PGCKA1: variants seen among roughly 807,000 people sequenced by gnomAD.
The protein encoded by PGCKA1 is PDCD10 and GCKIII kinases associated 1.
the PGCKA1 span, among the ~76,000 whole-genome samples, chr4:37,574,956 T>C: frequency 1.3e-5 from 2 of 149,706 alleles, no homozygotes; most frequent in African/African-American, 4.9e-5. Flanking sequence ...TTCTTTTTCA[T>C]GGCTGAATAG....
At chr4:37,505,944 T>C in the PGCKA1 span, among the ~76,000 whole-genome samples, 1 of 152,250 alleles carries the variant, frequency 6.6e-6, no homozygotes, top group South Asian at 2.1e-4. Context: ...ATACTTTTTA[T>C]TACAACTTTG....
the PGCKA1 span, among the ~76,000 whole-genome samples, chr4:37,538,526 T>C: frequency 1.3e-5 from 2 of 152,160 alleles, no homozygotes; most frequent in Non-Finnish European, 2.9e-5. Context: ...AGAGAGAACA[T>C]GATGAACTTA....
the PGCKA1 span, among the ~76,000 whole-genome samples, chr4:37,510,420 G>A: frequency 2.0e-5 from 3 of 152,068 alleles, no homozygotes; most frequent in African/African-American, 7.2e-5. Flanking sequence ...GCATTAAGGG[G>A]CACTGCAAGC....
At chr4:37,569,579 T>C in the PGCKA1 span, among the ~76,000 whole-genome samples, 3,269 of 152,304 alleles carry the variant, frequency 0.021, 110 homozygotes, top group African/African-American at 0.071. Context: ...TTAATTAGTT[T>C]GAGGAGTAAA....
chr4:37,564,759 G>A, the PGCKA1 span, among the ~76,000 whole-genome samples: 4 of 151,916 alleles, frequency 2.6e-5, no homozygotes, highest in African/African-American at 7.3e-5. Flanking sequence ...CACCTGCCTC[G>A]GCCTCCCAAA....
At chr4:37,573,504 A>G in the PGCKA1 span, among the ~76,000 whole-genome samples, 1 of 152,120 alleles carries the variant, frequency 6.6e-6, no homozygotes, top group Non-Finnish European at 1.5e-5. Context: ...ACCACTGTTA[A>G]CCCTTCTCTC....
chr4:37,504,264 C>A, the PGCKA1 span, among the ~76,000 whole-genome samples: 9 of 152,100 alleles, frequency 5.9e-5, no homozygotes, highest in Non-Finnish European at 1.3e-4. Context: ...TTTCTGGGTT[C>A]TCTATTCTGA....
At chr4:37,562,944 A>AG in the PGCKA1 span, among the ~76,000 whole-genome samples, 4 of 152,162 alleles carry the variant, frequency 2.6e-5, no homozygotes, top group African/African-American at 9.7e-5. Context: ...TACCCCTAGT[A>AG]GGGGGGTGTT....
At chr4:37,546,008 T>C in the PGCKA1 span, among the ~76,000 whole-genome samples, 3 of 152,140 alleles carry the variant, frequency 2.0e-5, no homozygotes, top group African/African-American at 7.2e-5. Context: ...GAACTTCCAT[T>C]GTAGTGGCTG....
At chr4:37,583,572 G>A in the PGCKA1 span, among the ~76,000 whole-genome samples, 75 of 152,156 alleles carry the variant, frequency 4.9e-4, no homozygotes, top group African/African-American at 1.2e-3. Context: ...GAGTAGCTGG[G>A]ACTACAGGCG....
the PGCKA1 span, among the ~76,000 whole-genome samples, chr4:37,521,796 A>C: frequency 1.3e-5 from 2 of 152,228 alleles, no homozygotes; most frequent in Admixed American, 1.3e-4. Context: ...TGAAGTCTCC[A>C]GCTATTATTG....
At chr4:37,523,316 C>T in the PGCKA1 span, among the ~76,000 whole-genome samples, 1 of 152,114 alleles carries the variant, frequency 6.6e-6, no homozygotes, top group African/African-American at 2.4e-5. Context: ...CCCAGATGCC[C>T]AGAGATGCTC....
the PGCKA1 span, among the ~76,000 whole-genome samples, chr4:37,473,781 A>G: frequency 9.2e-5 from 14 of 152,014 alleles, no homozygotes; most frequent in South Asian, 4.2e-4. Flanking sequence ...GTCAGAATAT[A>G]TGCACCACTC....
the PGCKA1 span, among the ~76,000 whole-genome samples, chr4:37,566,426 G>A: frequency 2.0e-5 from 3 of 151,160 alleles, no homozygotes; most frequent in Admixed American, 6.6e-5. Context: ...GATTACAGGC[G>A]CACATCACCA....
At chr4:37,592,834 T>C in the PGCKA1 span, among the ~76,000 whole-genome samples, 1 of 152,234 alleles carries the variant, frequency 6.6e-6, no homozygotes, top group Non-Finnish European at 1.5e-5. Flanking sequence ...AAAATGATGT[T>C]TTACTAGTTG....
the PGCKA1 span, among the ~76,000 whole-genome samples, chr4:37,500,803 C>T: frequency 6.6e-5 from 10 of 152,252 alleles, no homozygotes; most frequent in East Asian, 1.9e-4. Context: ...CTGGGTTCTC[C>T]GATGTTGTGT....
chr4:37,464,942 A>G, the PGCKA1 span, among the ~76,000 whole-genome samples: 11 of 152,244 alleles, frequency 7.2e-5, no homozygotes, highest in African/African-American at 2.4e-4. Context: ...GAACTTATTT[A>G]CATGCTGAAA....
At chr4:37,513,286 G>A in the PGCKA1 span, among the ~76,000 whole-genome samples, 520 of 152,262 alleles carry the variant, frequency 3.4e-3, 4 homozygotes, top group African/African-American at 0.012. Context: ...ATTTAAGGAG[G>A]TTATGTAGTC....
the PGCKA1 span, among the ~76,000 whole-genome samples, chr4:37,512,556 A>G: frequency 2.0e-5 from 3 of 149,422 alleles, no homozygotes; most frequent in Non-Finnish European, 4.4e-5. Context: ...TCCTGGGTTC[A>G]AGCAATTCTA....
Sources: gnomAD v4.1 joint callset for allele counts (sites outside exome capture counted in the v4.1 genomes callset) on GRCh38, gnomAD v4.1.1 for gene constraint, MANE v1.5 for transcripts, NCBI Gene and HGNC (gene_info 2026-07-23, HGNC 2026-07-21) for gene names.